WWC1: variants seen among roughly 807,000 people sequenced by gnomAD.
WWC1 encodes the protein WW and C2 domain containing 1.
Under a neutral mutation model 138.4 loss-of-function variants are expected in WWC1, and 55 were observed. That is an observed-to-expected ratio of 0.40 (90% CI 0.32 to 0.50). The LOEUF is 0.50. WWC1 is among the 20% of genes least tolerant of loss of function. WWC1 has a pLI of 0.72. For missense variants in WWC1, 1,226 were observed against 1,420.4 expected, an observed-to-expected ratio of 0.86 and a Z score of 2.20; for synonymous variants, 524 against 564.9, an observed-to-expected ratio of 0.93 and a Z score of 1.03.
intron 1 of WWC1, among the ~76,000 whole-genome samples, chr5:168,368,782 A>G (rs1410311233): frequency 2.0e-5 from 3 of 152,220 alleles, no homozygotes; most frequent in Non-Finnish European, 4.4e-5. Context: ...ACCACTTAAA[A>G]AACTTTAAGC....
In WWC1 at chr5:168,469,340, C is replaced by G. The variant is rs1334415976; in HGVS notation, c.*323C>G. The G allele has an allele frequency of 6.6e-6, 2 of 301,788 alleles. No homozygotes were observed. The highest frequency in any genetic ancestry group is 6.2e-6 in the Non-Finnish European group (1 of 160,684). 18.7% of individuals were successfully genotyped at this position (301,788 alleles called of 1,614,324 possible). ...AAAGCAGTATTGAGTTGCTGCTCTT[C>G]TTAAAATCGTTTAGATTTTTTTTGG... On this transcript the variant is annotated 3_prime_UTR_variant, in exon 23 of 23. Transcript: ENST00000265293.
rs749948916 is a variant in WWC1 at position 168,431,236 on chromosome 5, T to C, written c.2088-16T>C. ...TGGGCTGACCCAAGATTTCCTGCGG[T>C]TCTGTCTCCCTCTAGGAATATCCGC... On this transcript the variant is annotated splice_polypyrimidine_tract_variant and intron_variant, in intron 14 of 22. Transcript: ENST00000265293. 22 of 1,599,670 alleles carry C rather than the reference T, an allele frequency of 1.4e-5. No individual in the cohort carries two copies. The Admixed American group carries it at 3.8e-4, about 27-fold the overall frequency.
chr5:168,399,440 T>A, intron 4 of WWC1, 48 bp from the exon 5 acceptor site: 1 of 1,605,854 alleles, frequency 6.2e-7, no homozygotes, highest in South Asian at 1.1e-5. Flanking sequence ...GCCTGCACCT[T>A]GGTGTCAGCC....
chr5:168,432,218 A>G (rs1379733212), intron 15 of WWC1, among the ~76,000 whole-genome samples: 1 of 152,154 alleles, frequency 6.6e-6, no homozygotes, highest in African/African-American at 2.4e-5. Flanking sequence ...CATCATGCCC[A>G]CTGGAAGAAT....
At chr5:168,386,648 G>C (rs961378772) in intron 3 of WWC1, among the ~76,000 whole-genome samples, 1 of 150,872 alleles carries the variant, frequency 6.6e-6, no homozygotes, top group South Asian at 2.1e-4. Flanking sequence ...GCCTGCCTCA[G>C]CCTCCCAAAG....
chr5:168,461,874 T>C (rs937438412), intron 20 of WWC1, among the ~76,000 whole-genome samples: 3 of 151,946 alleles, frequency 2.0e-5, no homozygotes, highest in South Asian at 2.1e-4. Context: ...AGCCTCAGCA[T>C]TGAGAAACTC....
At chr5:168,406,834 C>T (rs1334744811) in intron 6 of WWC1, among the ~76,000 whole-genome samples, 2 of 151,644 alleles carry the variant, frequency 1.3e-5, no homozygotes, top group South Asian at 2.1e-4. Flanking sequence ...CCCAGCTACT[C>T]GGGAGGCTGA....
intron 19 of WWC1, among the ~76,000 whole-genome samples, chr5:168,457,873 C>T (rs1756472371): frequency 6.6e-6 from 1 of 152,218 alleles, no homozygotes; most frequent in African/African-American, 2.4e-5. Flanking sequence ...AAACTTGGCA[C>T]ATTTGTAGAA....
intron 17 of WWC1, among the ~76,000 whole-genome samples, chr5:168,447,898 T>C (rs1426729649): frequency 2.0e-5 from 3 of 151,832 alleles, no homozygotes; most frequent in Non-Finnish European, 2.9e-5. Flanking sequence ...CTTGGCACAC[T>C]GCTGTGCCAC....
rs116606163 is a variant in WWC1 at position 168,314,056 on chromosome 5, C to T, written c.119+21785C>T. Among the ~76,000 whole-genome samples the T allele has an allele frequency of 4.8e-3, 729 of 152,246 alleles. 4 individuals are homozygous for T. Among genetic ancestry groups the T allele is most frequent in the Middle Eastern group, 0.017 (5 of 294 alleles). On this transcript the variant is annotated intron_variant, in intron 1 of 22. Transcript: ENST00000265293. ...AGGAGGTCACCAGGGCTACAGAACA[C>T]GGGACAGCGGATGAGGGCCAGCCAG...
Position 168,408,681 on chromosome 5 carries a change from G to A in WWC1, c.867+28G>A, listed in dbSNP as rs777019844. 91 of 1,611,986 alleles carry A rather than the reference G, an allele frequency of 5.6e-5. 1 individual carries two copies. Among genetic ancestry groups the A allele is most frequent in the Non-Finnish European group, 7.1e-5 (84 of 1,178,946 alleles). ...GAGTAGACGGGGCAGGTTGCTGGGG[G>A]CCTTCCACAGGATGGCAGCTGGGAG... On this transcript the variant is annotated intron_variant, in intron 7 of 22. Coordinates refer to ENST00000265293, the MANE Select transcript of WWC1 (RefSeq NM_015238.3).
intron 8 of WWC1, 152 bp from the exon 9 acceptor site, chr5:168,414,196 T>C: frequency 1.7e-6 from 2 of 1,200,574 alleles, no homozygotes; most frequent in Non-Finnish European, 2.3e-6. Context: ...TGTGTTTGTT[T>C]AGAAAAAAAA....
chr5:168,340,066 T>C, intron 1 of WWC1, among the ~76,000 whole-genome samples: 1 of 151,518 alleles, frequency 6.6e-6, no homozygotes, highest in Non-Finnish European at 1.5e-5. Flanking sequence ...TCTTTTCTTT[T>C]CTTCTCTTTC....
chr5:168,420,019 T>G (rs553877830), intron 9 of WWC1, among the ~76,000 whole-genome samples: 2 of 152,360 alleles, frequency 1.3e-5, no homozygotes, highest in East Asian at 3.9e-4. Context: ...CTCCCGACTC[T>G]CTGGTCCCAT....
chr5:168,339,832 T>TTCTTTCTTTCTTTCTTTCTTTCTTTA lies in WWC1; in HGVS notation c.120-31591_120-31590insCTTTCTTTCTTTCTTTCTTTCTTTAT, dbSNP rs796623514. On this transcript the variant is annotated intron_variant, in intron 1 of 22. Transcript: ENST00000265293. The stretch of plus-strand genomic sequence containing the variant: ...TTTCTTTCTTTCTTTCTTTCTTTCT[T>TTCTTTCTTTCTTTCTTTCTTTCTTTA]TTTCTTTTCTTTCTTTCTTTCTCTC... Among the ~76,000 whole-genome samples the TTCTTTCTTTCTTTCTTTCTTTCTTTA allele has an allele frequency of 1.0e-4, 5 of 48,268 alleles. No homozygotes were observed. In the South Asian group the frequency reaches 4.4e-3, roughly 43 times the overall value. The allele number at this position is 48,268 out of a possible 152,430, so 31.7% of individuals were successfully genotyped here.
intron 1 of WWC1, among the ~76,000 whole-genome samples, chr5:168,298,932 A>C (rs1007737976): frequency 2.0e-5 from 3 of 152,092 alleles, no homozygotes; most frequent in African/African-American, 7.2e-5. Flanking sequence ...AAAAATGCAA[A>C]ATATTAGCCA....
rs1769089410 is a variant in WWC1 at position 168,292,050 on chromosome 5, T to C, written c.-103T>C. 2 of 1,346,256 alleles carry C rather than the reference T, an allele frequency of 1.5e-6. No homozygotes were observed. The highest frequency in any genetic ancestry group is 3.1e-5 in the African/African-American group (2 of 64,046). 83.4% of individuals were successfully genotyped at this position (1,346,256 alleles called of 1,614,324 possible). Reference sequence around the variant, plus strand: ...TCTGCGGGCGCCACCCCCCGGATCATGGTGCCTCGGCGGCCGCCCGGGCTA... The same window carrying C: ...TCTGCGGGCGCCACCCCCCGGATCACGGTGCCTCGGCGGCCGCCCGGGCTA... On this transcript the variant is annotated 5_prime_UTR_variant, in exon 1 of 23. The change abolishes an upstream ATG in the 5' untranslated region. Coordinates refer to ENST00000265293, the MANE Select transcript of WWC1 (RefSeq NM_015238.3). This position sits in a 1 kb window ranked among gnomAD's most constrained non-coding sequence, Gnocchi z 4.4.
intron 3 of WWC1, among the ~76,000 whole-genome samples, chr5:168,387,344 G>A (rs188500034): frequency 1.3e-5 from 2 of 152,256 alleles, no homozygotes; most frequent in Non-Finnish European, 2.9e-5. Flanking sequence ...CCTTGCCAGG[G>A]TACTTACTGT....
At chr5:168,359,633 A>C (rs1582030863) in intron 1 of WWC1, among the ~76,000 whole-genome samples, 1 of 152,222 alleles carries the variant, frequency 6.6e-6, no homozygotes, top group Admixed American at 6.5e-5. Context: ...TTATGTAATT[A>C]GAATGCTTAT....
Sources: gnomAD v4.1 joint callset for allele counts (sites outside exome capture counted in the v4.1 genomes callset) on GRCh38, gnomAD v4.1.1 for gene constraint, Gnocchi (gnomAD v3.1) non-coding constraint, MANE v1.5 for transcripts, NCBI Gene and HGNC (gene_info 2026-07-23, HGNC 2026-07-21) for gene names.